MYADM: variants seen among roughly 807,000 people sequenced by gnomAD.
MYADM encodes myeloid-associated differentiation marker.
For synonymous variants in MYADM, 224 were observed against 210.2 expected (o/e 1.07, Z -0.57); for missense variants, 416 against 443.4 (o/e 0.94, Z 0.56).
In MYADM at chr19:53,874,258, G is replaced by T; in HGVS notation, c.729G>T (p.Leu243=). The change falls in exon 3 of 3, where the codon CTG becomes CTT. Residue 243 remains leucine (L), a synonymous_variant. Transcript: ENST00000391770. ...PIPFPSFLSG[L]ALLSVLLYAT... The stretch of plus-strand genomic sequence containing the variant: ...CCTTCCCCAGCTTCCTGTCGGGGCT[G>T]GCCTTGCTGTCTGTCCTCCTCTATG... The T allele has an allele frequency of 6.2e-7, 1 of 1,609,760 alleles. No homozygotes were observed. Among genetic ancestry groups the T allele is most frequent in the Non-Finnish European group, 8.5e-7 (1 of 1,177,040 alleles).
At position 53,876,213 on chromosome 19, in the gene MYADM, G is replaced by T. The variant is rs903484377; in HGVS notation, c.*1715G>T. ...GCACGGGTGTTTCTGTGTGCTAGTT[G>T]CTTCTTGCTGCTGCTTCCTGCTTGT... On this transcript the variant is annotated 3_prime_UTR_variant, in exon 3 of 3. Transcript: ENST00000391770. The T allele has an allele frequency of 6.0e-6, 1 of 165,620 alleles. No individual in the cohort carries two copies. 10.3% of individuals were successfully genotyped at this position (165,620 alleles called of 1,614,324 possible).
rs370308772 is a variant in MYADM at position 53,873,206 on chromosome 19, C to T, written c.-2-322C>T. Among the ~76,000 whole-genome samples the T allele has an allele frequency of 6.6e-6, 1 of 152,110 alleles. No individual in the cohort carries two copies. The highest frequency in any genetic ancestry group is 1.5e-5 in the Non-Finnish European group (1 of 68,034). On this transcript the variant is annotated intron_variant, in intron 2 of 2. Coordinates refer to ENST00000391770, the MANE Select transcript of MYADM (RefSeq NM_138373.5). This position sits in a 1 kb window ranked among gnomAD's most constrained non-coding sequence, Gnocchi z 4.3. ...CTAACACAGTGAAACCCCGTCTCTA[C>T]TAAAAATACAAAAAAATTAGCCGGG...
At chr19:53,870,676 AG>A (rs1267980793) in intron 2 of MYADM, among the ~76,000 whole-genome samples, 5 of 152,178 alleles carry the variant, frequency 3.3e-5, no homozygotes, top group Non-Finnish European at 7.4e-5. Context: ...TGAAGCTGAA[AG>A]GAGGAAGTTA....
Position 53,875,849 on chromosome 19 carries a change from CAA to C in MYADM, c.*1361_*1362del, listed in dbSNP as rs566590150. On this transcript the variant is annotated 3_prime_UTR_variant, in exon 3 of 3. Coordinates refer to ENST00000391770, the MANE Select transcript of MYADM (RefSeq NM_138373.5). ...TGGGGGACAGAGCGAGACTCCATCT[CAA>C]AAAAAAAAAGGAATCGGACGAAGAA... 6 of 149,502 alleles carry C rather than the reference CAA, an allele frequency of 4.0e-5. No homozygotes were observed. The highest frequency in any genetic ancestry group is 7.2e-5 in the Admixed American group (1 of 13,930). 9.3% of individuals were successfully genotyped at this position (149,502 alleles called of 1,614,324 possible).
chr19:53,874,126 C>T lies in MYADM; in HGVS notation c.597C>T (p.His199=). 1.2e-6 allele frequency: 2 copies of T among 1,613,372 alleles called. No individual in the cohort carries two copies. The highest frequency in any genetic ancestry group is 1.3e-5 in the African/African-American group (1 of 75,070). ...TCAGCGACCCCAACCTGTACCAGCA[C>T]CAGCCGGCCCTGGAGTGGTGCGTGG... ...AFISDPNLYQ[H]QPALEWCVAV... is the part of the protein sequence containing the mutation. Residue 199 remains histidine, a synonymous_variant, in exon 3 of 3, where the codon CAC becomes CAT. Transcript: ENST00000391770.
At position 53,875,522 on chromosome 19, in the gene MYADM, T is replaced by C. The variant is rs1190942838; in HGVS notation, c.*1024T>C. On this transcript the variant is annotated 3_prime_UTR_variant, in exon 3 of 3. Transcript: ENST00000391770. ...GGCTGGATGCCTTTCATCCCAACTATTCTCTGTGGTATCAAAAAGAAAAAA... is the reference window on the plus strand; with the variant it reads ...GGCTGGATGCCTTTCATCCCAACTACTCTCTGTGGTATCAAAAAGAAAAAA... 6.1e-6 allele frequency: 1 copy of C among 164,404 alleles called. No homozygotes were observed. The highest frequency in any genetic ancestry group is 2.5e-5 in the African/African-American group (1 of 40,256). 10.2% of individuals were successfully genotyped at this position (164,404 alleles called of 1,614,324 possible). A position where few individuals can be genotyped will look rare whatever the true frequency, so the allele number is the denominator to read the frequency against.
In MYADM at chr19:53,873,047, C is replaced by T. The variant is rs1392692461; in HGVS notation, c.-2-481C>T. 6.6e-6 allele frequency among the ~76,000 whole-genome samples: 1 copy of T among 152,158 alleles called. No individual in the cohort carries two copies. The highest frequency in any genetic ancestry group is 1.5e-5 in the Non-Finnish European group (1 of 68,030). On this transcript the variant is annotated intron_variant, in intron 2 of 2. Coordinates refer to ENST00000391770, the MANE Select transcript of MYADM (RefSeq NM_138373.5). The surrounding 1 kb of genome is among the most constrained non-coding windows in gnomAD (Gnocchi z 4.3). ...TGAGCCTTGAACCGGAGGGGACAGGCTCATCCCTGTATGCCCAGGACTGTC... is the reference window on the plus strand; with the variant it reads ...TGAGCCTTGAACCGGAGGGGACAGGTTCATCCCTGTATGCCCAGGACTGTC...
intron 2 of MYADM, among the ~76,000 whole-genome samples, chr19:53,872,277 C>T (rs971003963): frequency 1.3e-5 from 2 of 152,080 alleles, no homozygotes; most frequent in African/African-American, 4.8e-5. Flanking sequence ...CTCACTGCAA[C>T]CTCTGCCTCC....
rs2068277105 is a variant in MYADM at position 53,868,158 on chromosome 19, G to C, written c.-88+215G>C. Among the ~76,000 whole-genome samples the C allele has an allele frequency of 2.0e-5, 3 of 151,926 alleles. No individual in the cohort carries two copies. The highest frequency in any genetic ancestry group is 2.0e-4 in the Admixed American group (3 of 15,244). On this transcript the variant is annotated intron_variant, in intron 1 of 2. Transcript: ENST00000391770. The surrounding 1 kb of genome is among the most constrained non-coding windows in gnomAD (Gnocchi z 6.3). ...GAAGGGGACCTGGACTCCGGGGTCT[G>C]AGGGAGGAGGGGCTGGGGGTCTGGA...
In MYADM at chr19:53,868,737, G is replaced by T. The variant is rs569540446; in HGVS notation, c.-88+794G>T. The stretch of plus-strand genomic sequence containing the variant: ...GGGTGTGGCCCGGAGAGTCGGGTGC[G>T]CTGCGAGGAATCCCGGAGGGGTGTT... On this transcript the variant is annotated intron_variant, in intron 1 of 2. Coordinates refer to ENST00000391770, the MANE Select transcript of MYADM (RefSeq NM_138373.5). The surrounding 1 kb of genome is among the most constrained non-coding windows in gnomAD (Gnocchi z 6.3). 5.3e-5 allele frequency among the ~76,000 whole-genome samples: 8 copies of T among 152,234 alleles called. No individual in the cohort carries two copies. In the East Asian group the frequency reaches 1.6e-3, roughly 30 times the overall value.
chr19:53,869,379 G>A (rs900632836), intron 1 of MYADM: 6 of 152,300 alleles, frequency 3.9e-5, no homozygotes, highest in African/African-American at 1.4e-4. Context: ...ACCGCCTCCT[G>A]GTCCCTGACA....
In MYADM at chr19:53,868,491, C is replaced by G. The variant is rs1479813687; in HGVS notation, c.-88+548C>G. The stretch of plus-strand genomic sequence containing the variant: ...GACCCCTCCCCATCCAGGGGACAGA[C>G]AGAATCGGAACTTTGGGCTCCTGAA... On this transcript the variant is annotated intron_variant, in intron 1 of 2. Coordinates refer to ENST00000391770, the MANE Select transcript of MYADM (RefSeq NM_138373.5). This position sits in a 1 kb window ranked among gnomAD's most constrained non-coding sequence, Gnocchi z 6.3. Among the ~76,000 whole-genome samples, 1 of 151,690 alleles carries G rather than the reference C, an allele frequency of 6.6e-6. No individual in the cohort carries two copies. Among genetic ancestry groups the G allele is most frequent in the African/African-American group, 2.4e-5 (1 of 41,238 alleles).
intron 1 of MYADM, 169 bp from the exon 2 acceptor site, chr19:53,869,585 C>T (rs953808313): frequency 2.0e-5 from 3 of 152,300 alleles, no homozygotes; most frequent in Admixed American, 2.0e-4. Flanking sequence ...GTTCCGTCCG[C>T]CGCAGCCCAA....
At chr19:53,870,591 C>T (rs2068362968) in intron 2 of MYADM, among the ~76,000 whole-genome samples, 1 of 152,140 alleles carries the variant, frequency 6.6e-6, no homozygotes, top group Admixed American at 6.5e-5. Flanking sequence ...GCCCTGGCTC[C>T]TTTGTCTCAG....
Position 53,874,180 on chromosome 19 carries a change from G to A in MYADM, c.651G>A (p.Ala217=), listed in dbSNP as rs1287407508. The A allele has an allele frequency of 1.2e-6, 2 of 1,613,828 alleles. No homozygotes were observed. The highest frequency in any genetic ancestry group is 3.3e-5 in the Admixed American group (2 of 60,002). ...TGTACGCCATCTGCTTCATCCTAGC[G>A]GCCATCGCCATCCTGCTGAACCTGG... ...VAVYAICFIL[A]AIAILLNLGE... Residue 217 remains alanine, a synonymous_variant, in exon 3 of 3, where the codon GCG becomes GCA. Coordinates refer to ENST00000391770, the MANE Select transcript of MYADM (RefSeq NM_138373.5).
chr19:53,865,715 C>T (rs533561912), upstream of MYADM: 1 of 152,238 alleles, frequency 6.6e-6, no homozygotes, highest in East Asian at 1.9e-4. Context: ...GCTGCCACCA[C>T]GAGGAATAAC....
Position 53,874,610 on chromosome 19 carries a change from C to A in MYADM, c.*112C>A. 1.6e-6 allele frequency: 2 copies of A among 1,240,582 alleles called. No homozygotes were observed. The highest frequency in any genetic ancestry group is 1.1e-6 in the Non-Finnish European group (1 of 905,526). 76.8% of individuals were successfully genotyped at this position (1,240,582 alleles called of 1,614,324 possible). A position where few individuals can be genotyped will look rare whatever the true frequency, so the allele number is the denominator to read the frequency against. On this transcript the variant is annotated 3_prime_UTR_variant, in exon 3 of 3. Transcript: ENST00000391770. The stretch of plus-strand genomic sequence containing the variant: ...CTTTCCTCTGTTTTCCTCTTCCTGT[C>A]TCCCCTCCCTCCCACCTTTTTCTTT...
rs2068473854 is a variant in MYADM, at chr19:53,874,346, C to T, written c.817C>T (p.Arg273Cys). The change falls in exon 3 of 3, where the codon CGC becomes TGC. Residue 273 changes from arginine (R) to cysteine (C), a missense_variant. Coordinates refer to ENST00000391770, the MANE Select transcript of MYADM (RefSeq NM_138373.5). The part of the protein sequence containing the change: ...FDEKYGGQPR[R>C]SRDVSCSRSH... ...TGAGAAGTATGGCGGCCAGCCTCGG[C>T]GCTCGAGAGATGTAAGCTGCAGCCG... 6.2e-7 allele frequency: 1 copy of T among 1,613,776 alleles called. No homozygotes were observed. Among genetic ancestry groups the T allele is most frequent in the Non-Finnish European group, 8.5e-7 (1 of 1,179,688 alleles).
In MYADM at chr19:53,874,148, G is replaced by A. The variant is rs1204136967; in HGVS notation, c.619G>A (p.Val207Met). Residue 207 changes from valine (V) to methionine (M), a missense_variant, in exon 3 of 3, where the codon GTG becomes ATG. Transcript: ENST00000391770. Reference protein sequence around the residue: ...YQHQPALEWCVAVYAICFILA... With the variant: ...YQHQPALEWCMAVYAICFILA... ...GCACCAGCCGGCCCTGGAGTGGTGCGTGGCGGTGTACGCCATCTGCTTCAT... is the reference window on the plus strand; with the variant it reads ...GCACCAGCCGGCCCTGGAGTGGTGCATGGCGGTGTACGCCATCTGCTTCAT... 2.5e-6 allele frequency: 4 copies of A among 1,613,536 alleles called. No homozygotes were observed. Among genetic ancestry groups the A allele is most frequent in the Non-Finnish European group, 2.5e-6 (3 of 1,180,044 alleles).
Sources: allele counts gnomAD v4.1 joint callset (sites outside exome capture counted in the v4.1 genomes callset), GRCh38; gene constraint gnomAD v4.1.1; non-coding constraint Gnocchi (gnomAD v3.1); transcripts MANE v1.5; gene names NCBI Gene and HGNC (gene_info 2026-07-23, HGNC 2026-07-21).